Variants in SNX29 observed in about 807,000 individuals in gnomAD.
SNX29 encodes the protein sorting nexin 29.
A neutral mutation model predicts 102.1 loss-of-function variants in SNX29; 78 were observed. The ratio of observed to expected loss-of-function variants is 0.76; its 90% CI spans 0.64 to 0.92. SNX29 has a LOEUF of 0.92. Ranked by LOEUF, SNX29 falls within the 40% of genes least tolerant of loss-of-function variation. The pLI is 0.00. For synonymous variants in SNX29, 580 were observed against 414.5 expected (o/e 1.40, Z -4.85); for missense variants, 1,280 against 1,061.7 (o/e 1.21, Z -2.86).
rs1282840466 is a variant in SNX29, at chr16:12,248,046, T to TC, written c.1679-29883dup. On this transcript the variant is annotated intron_variant, in intron 14 of 20. Coordinates refer to ENST00000566228, the MANE Select transcript of SNX29 (RefSeq NM_032167.5). ...AGATGCTGAGATTGTCACAGCAGCTTCCCCGCTGCCCTCCCTGCTTTCATT... is the reference window on the plus strand; with the variant it reads ...AGATGCTGAGATTGTCACAGCAGCTTCCCCCGCTGCCCTCCCTGCTTTCATT... 2.0e-5 allele frequency among the ~76,000 whole-genome samples: 3 copies of TC among 152,284 alleles called. No homozygotes were observed. The East Asian group carries it at 5.8e-4, about 29-fold the overall frequency.
intron 18 of SNX29, among the ~76,000 whole-genome samples, chr16:12,425,930 C>T (rs551065345): frequency 6.1e-4 from 93 of 152,240 alleles, no homozygotes; most frequent in African/African-American, 2.0e-3. Flanking sequence ...AACCTGGACT[C>T]TCTTGCAGGC....
chr16:12,275,192 C>A (rs2079206883), intron 14 of SNX29, among the ~76,000 whole-genome samples: 1 of 152,178 alleles, frequency 6.6e-6, no homozygotes, highest in African/African-American at 2.4e-5. Flanking sequence ...TGGAGAACTA[C>A]CCCTGGTCTC....
chr16:12,021,490 A>G (rs1175982260), intron 3 of SNX29, among the ~76,000 whole-genome samples: 1 of 152,192 alleles, frequency 6.6e-6, no homozygotes. Context: ...GTTTATAAAA[A>G]TGCAGCATTC....
intron 18 of SNX29, among the ~76,000 whole-genome samples, chr16:12,469,109 C>T (rs533007625): frequency 2.3e-4 from 35 of 152,164 alleles, no homozygotes; most frequent in Non-Finnish European, 3.7e-4. Context: ...GACCTTTATG[C>T]TACATCCTTC....
At chr16:12,231,122 G>A (rs1177895112) in intron 14 of SNX29, among the ~76,000 whole-genome samples, 9 of 152,104 alleles carry the variant, frequency 5.9e-5, no homozygotes, top group African/African-American at 2.2e-4. Context: ...CAAAGTGCTG[G>A]AATTACAGAT....
chr16:12,210,084 C>T (rs970709924), intron 14 of SNX29, among the ~76,000 whole-genome samples: 7 of 152,158 alleles, frequency 4.6e-5, no homozygotes, highest in African/African-American at 1.7e-4. Flanking sequence ...CTTTGGGGAA[C>T]CCTCTGTCCA....
intron 13 of SNX29, among the ~76,000 whole-genome samples, chr16:12,165,516 C>T (rs757167213): frequency 6.6e-6 from 1 of 152,188 alleles, no homozygotes; most frequent in African/African-American, 2.4e-5. Context: ...CCTCCTTTTA[C>T]AGGTTTGTTT....
intron 11 of SNX29, chr16:12,088,152 C>A (rs2052308631): frequency 2.2e-6 from 1 of 456,296 alleles, no homozygotes; most frequent in Non-Finnish European, 4.4e-6. Flanking sequence ...CTGCAGCAGG[C>A]CTCACAGTGT....
At chr16:12,441,037 C>T (rs183406592) in intron 18 of SNX29, among the ~76,000 whole-genome samples, 22 of 150,576 alleles carry the variant, frequency 1.5e-4, no homozygotes, top group East Asian at 3.9e-4. Context: ...TTTCACTTAG[C>T]GTAATATCCT....
intron 16 of SNX29, among the ~76,000 whole-genome samples, chr16:12,397,550 C>A (rs1482449148): frequency 6.6e-6 from 1 of 152,178 alleles, no homozygotes; most frequent in African/African-American, 2.4e-5. Flanking sequence ...CTTCACTACC[C>A]CTCACCCTTC....
At chr16:12,156,696 C>A (rs989247866) in intron 13 of SNX29, among the ~76,000 whole-genome samples, 1 of 152,244 alleles carries the variant, frequency 6.6e-6, no homozygotes, top group Non-Finnish European at 1.5e-5. Context: ...GCAAGGCAGG[C>A]CTCTCTAGGT....
At position 12,298,602 on chromosome 16, in the gene SNX29, AAT is replaced by A. The variant is rs141529930; in HGVS notation, c.1782+20573_1782+20574del. 2.6e-3 allele frequency among the ~76,000 whole-genome samples: 400 copies of A among 152,254 alleles called. 2 individuals are homozygous for A. The highest frequency in any genetic ancestry group is 8.8e-3 in the African/African-American group (366 of 41,548). On this transcript the variant is annotated intron_variant, in intron 15 of 20. Coordinates refer to ENST00000566228, the MANE Select transcript of SNX29 (RefSeq NM_032167.5). ...CATTTAGAAGAATGTCTGGCCCTTA[AAT>A]ATATATGCATGTTGTGTGTTTTTAG...
chr16:12,457,968 C>T (rs1213227551), intron 18 of SNX29, among the ~76,000 whole-genome samples: 3 of 152,208 alleles, frequency 2.0e-5, no homozygotes, highest in Admixed American at 6.5e-5. Context: ...GTGCCTATCA[C>T]ATCTGAAATG....
intron 20 of SNX29, among the ~76,000 whole-genome samples, chr16:12,528,402 G>T (rs1047667344): frequency 2.0e-5 from 3 of 152,104 alleles, no homozygotes; most frequent in Non-Finnish European, 4.4e-5. Flanking sequence ...GTTTTGCCAT[G>T]TTGGCCAGGC....
intron 17 of SNX29, among the ~76,000 whole-genome samples, chr16:12,400,300 C>G (rs1056196698): frequency 2.6e-5 from 4 of 152,208 alleles, no homozygotes; most frequent in Non-Finnish European, 2.9e-5. Flanking sequence ...CTCTAACCCA[C>G]TTGGTCCTCT....
intron 20 of SNX29, among the ~76,000 whole-genome samples, chr16:12,549,522 CTCT>C (rs1567174960): frequency 5.3e-5 from 5 of 93,532 alleles, no homozygotes; most frequent in African/African-American, 3.0e-4. Context: ...ATTTTTCATC[CTCT>C]ATCTCAAATA....
At chr16:11,979,275 C>CAAAAAAAAAAAAAAAAAAAA (rs71139569) in intron 1 of SNX29, among the ~76,000 whole-genome samples, 6 of 61,996 alleles carry the variant, frequency 9.7e-5, no homozygotes, top group African/African-American at 4.5e-4. Context: ...ACTCAGTCTC[C>CAAAAAAAAAAAAAAAAAAAA]AAAAAAAAAA....
intron 20 of SNX29, among the ~76,000 whole-genome samples, chr16:12,539,611 G>T (rs746235660): frequency 6.6e-6 from 1 of 152,176 alleles, no homozygotes; most frequent in East Asian, 1.9e-4. Context: ...CCTAAGAGTT[G>T]AGGACTGGAT....
intron 13 of SNX29, among the ~76,000 whole-genome samples, chr16:12,157,382 G>C (rs375870133): frequency 6.6e-6 from 1 of 152,150 alleles, no homozygotes; most frequent in Non-Finnish European, 1.5e-5. Flanking sequence ...TCCACAGCAT[G>C]AGGGCGAGAG....
Sources: allele counts gnomAD v4.1 joint callset (sites outside exome capture counted in the v4.1 genomes callset), GRCh38; gene constraint gnomAD v4.1.1; transcripts MANE v1.5; gene names NCBI Gene and HGNC (gene_info 2026-07-23, HGNC 2026-07-21).